Variants in CCDC66 observed in about 807,000 individuals in gnomAD.
CCDC66 encodes coiled-coil domain containing 66.
A neutral mutation model predicts 128.3 loss-of-function variants in CCDC66; 133 were observed. The ratio of observed to expected loss-of-function variants is 1.04; its 90% CI spans 0.90 to 1.20. CCDC66 has a LOEUF of 1.20. Among genes scored for constraint, CCDC66 ranks in the 50% most tolerant of loss-of-function variants. The pLI is 0.00. For synonymous variants in CCDC66, 387 were observed against 357.0 expected (o/e 1.08, Z -0.95); for missense variants, 1,126 against 1,075.5 (o/e 1.05, Z -0.66).
intron 7 of CCDC66, among the ~76,000 whole-genome samples, chr3:56,581,756 G>A (rs1470278389): frequency 1.3e-5 from 2 of 151,808 alleles, no homozygotes; most frequent in African/African-American, 2.4e-5. Flanking sequence ...AAATGTTGCT[G>A]TCTGATCCTT....
Position 56,615,114 on chromosome 3 carries a change from A to T in CCDC66, c.1567-14A>T, listed in dbSNP as rs1051856251. ...GTTTAATAGATGAATTTAGTAACAC[A>T]TCAATATTGACAGGAAATCATGACT... On this transcript the variant is annotated splice_polypyrimidine_tract_variant and intron_variant, in intron 11 of 17. Coordinates refer to ENST00000394672, the MANE Select transcript of CCDC66 (RefSeq NM_001141947.3). 6.2e-7 allele frequency: 1 copy of T among 1,612,076 alleles called. No individual in the cohort carries two copies. Among genetic ancestry groups the T allele is most frequent in the Non-Finnish European group, 8.5e-7 (1 of 1,179,218 alleles).
At chr3:56,600,462 G>A (rs1218829630) in intron 10 of CCDC66, among the ~76,000 whole-genome samples, 1 of 151,932 alleles carries the variant, frequency 6.6e-6, no homozygotes, top group Non-Finnish European at 1.5e-5. Context: ...TATCTTTATA[G>A]TAGAATGATT....
chr3:56,597,774 G>GTTTT (rs1348371526), intron 10 of CCDC66, among the ~76,000 whole-genome samples: 1 of 8,576 alleles, frequency 1.2e-4, no homozygotes, highest in Non-Finnish European at 3.5e-4. Flanking sequence ...GTTTTGTTTT[G>GTTTT]GGGTTTTTTT....
rs66485521 is a variant in CCDC66, at chr3:56,582,849, TTTATTATTATTATTA to T, written c.937-10090_937-10076del. 3.9e-4 allele frequency among the ~76,000 whole-genome samples: 52 copies of T among 134,880 alleles called. 1 individual carries two copies. The highest frequency in any genetic ancestry group is 1.1e-3 in the African/African-American group (41 of 37,282). 88.5% of individuals were successfully genotyped at this position (134,880 alleles called of 152,430 possible). A position where few individuals can be genotyped will look rare whatever the true frequency, so the allele number is the denominator to read the frequency against. ...TCCCTTTTTTGACTTCTCAACTTTC[TTTATTATTATTATTA>T]TTATTATTATTATTATTATTATTAT... On this transcript the variant is annotated intron_variant, in intron 7 of 17. Transcript: ENST00000394672.
chr3:56,570,639 T>C (rs2066501723), intron 6 of CCDC66: 1 of 166,658 alleles, frequency 6.0e-6, no homozygotes, highest in Non-Finnish European at 1.3e-5. Context: ...CCCCAGCTAC[T>C]CAGGAGGCTG....
At chr3:56,584,516 C>A (rs1320627692) in intron 7 of CCDC66, among the ~76,000 whole-genome samples, 1 of 150,086 alleles carries the variant, frequency 6.7e-6, no homozygotes, top group Non-Finnish European at 1.5e-5. Context: ...AGAGGCGCTC[C>A]CCACATCTCA....
At chr3:56,617,786 GTCAAC>G (rs1463158973) in intron 14 of CCDC66, 181 bp downstream of exon 14, 2 of 657,274 alleles carry the variant, frequency 3.0e-6, no homozygotes, top group Non-Finnish European at 5.0e-6. Flanking sequence ...TACGAACATA[GTCAAC>G]TCATTCTTTT....
chr3:56,568,372 A>T (rs1478814021), intron 6 of CCDC66, among the ~76,000 whole-genome samples: 1 of 152,236 alleles, frequency 6.6e-6, no homozygotes, highest in African/African-American at 2.4e-5. Flanking sequence ...ACAGATGCTC[A>T]TGTGGAATCC....
Position 56,615,267 on chromosome 3 carries a change from TTGG to T in CCDC66, c.1711_1711+2del. 1 of 1,610,572 alleles carries T rather than the reference TTGG, an allele frequency of 6.2e-7. No individual in the cohort carries two copies. The highest frequency in any genetic ancestry group is 8.5e-7 in the Non-Finnish European group (1 of 1,178,578). ...GACACTTCTAGACTGATTAAAAATC[TTGG>T]TGGTAAGGGCCTAACCAGAACTTTA... On this transcript the variant is annotated inframe_deletion and splice_region_variant, in exon 12 of 18. Transcript: ENST00000394672.
rs751148390 is a variant in CCDC66, at chr3:56,594,002, C to T, written c.1378C>T (p.Arg460Ter). The T allele has an allele frequency of 9.9e-5, 159 of 1,613,892 alleles. 3 individuals carry two copies. The South Asian group carries it at 1.5e-3, about 15-fold the overall frequency. ...AGCTCAGATTGAGGAACGAGACAGACGACGACAAAAACAATTAGAGCATCA... is the reference window on the plus strand; with the variant it reads ...AGCTCAGATTGAGGAACGAGACAGATGACGACAAAAACAATTAGAGCATCA... The part of the protein sequence containing the change: ...DPAQIEERDR[R>*]RQKQLEHQKA... Residue 460 changes from arginine (R) to a stop codon, truncating the protein, a stop_gained, in exon 10 of 18, where the codon CGA (arginine) becomes TGA (stop). Transcript: ENST00000394672. LOFTEE classifies it high-confidence loss of function.
At chr3:56,586,496 A>C (rs927956744) in intron 7 of CCDC66, among the ~76,000 whole-genome samples, 13 of 151,096 alleles carry the variant, frequency 8.6e-5, no homozygotes, top group African/African-American at 2.7e-4. Context: ...ACACCACTGC[A>C]CTCTGGCCTG....
rs1390974791 is a variant in CCDC66 at position 56,593,121 on chromosome 3, G to A, written c.1068+20G>A. On this transcript the variant is annotated intron_variant, in intron 8 of 17. Transcript: ENST00000394672. ...TCAAAGGTAACTTATGAGGTTTTGT[G>A]GCTATAAAAGAAAAAATAAAATCAA... The A allele has an allele frequency of 2.6e-6, 4 of 1,523,520 alleles. No homozygotes were observed. Among genetic ancestry groups the A allele is most frequent in the Admixed American group, 4.3e-5 (2 of 46,590 alleles). 94.4% of individuals were successfully genotyped at this position (1,523,520 alleles called of 1,614,324 possible). A position where few individuals can be genotyped will look rare whatever the true frequency, so the allele number is the denominator to read the frequency against.
At chr3:56,618,364 A>T in intron 15 of CCDC66, 152 bp downstream of exon 15, 1 of 632,010 alleles carries the variant, frequency 1.6e-6, no homozygotes, top group Non-Finnish European at 2.7e-6. Context: ...TTTAAGGGAT[A>T]GTGTGGCACT....
intron 10 of CCDC66, 56 bp downstream of exon 10, chr3:56,594,084 A>G (rs914872237): frequency 2.1e-6 from 3 of 1,449,786 alleles, no homozygotes; most frequent in Admixed American, 1.7e-5. Flanking sequence ...CATGGTGAAC[A>G]TATACCTAAG....
intron 10 of CCDC66, among the ~76,000 whole-genome samples, chr3:56,611,607 C>G (rs2107308517): frequency 7.1e-6 from 1 of 140,374 alleles, no homozygotes; most frequent in African/African-American, 2.6e-5. Flanking sequence ...GCTTCTCGTC[C>G]TGTTCAAGTT....
intron 17 of CCDC66, chr3:56,621,243 G>C (rs994753394): frequency 8.7e-6 from 2 of 229,858 alleles, no homozygotes; most frequent in Non-Finnish European, 1.7e-5. Context: ...ACTTGGGGGT[G>C]GACTGGGGGA....
intron 10 of CCDC66, among the ~76,000 whole-genome samples, chr3:56,603,668 G>GT (rs1295191375): frequency 4.6e-5 from 7 of 151,416 alleles, no homozygotes; most frequent in African/African-American, 9.7e-5. Flanking sequence ...TTTATATCTA[G>GT]TTTTTTTTGC....
chr3:56,615,393 C>A, intron 12 of CCDC66, 121 bp downstream of exon 12: 5 of 911,044 alleles, frequency 5.5e-6, no homozygotes, highest in Non-Finnish European at 7.9e-6. Flanking sequence ...TGCAGTGGTG[C>A]CATCACAGCT....
intron 8 of CCDC66, 106 bp downstream of exon 8, chr3:56,593,207 A>G (rs2071256074): frequency 1.0e-6 from 1 of 973,004 alleles, no homozygotes; most frequent in Non-Finnish European, 1.5e-6. Context: ...AGAATATTCC[A>G]TTTATTCCAC....
Sources: allele counts gnomAD v4.1 joint callset (sites outside exome capture counted in the v4.1 genomes callset), GRCh38; gene constraint gnomAD v4.1.1; transcripts MANE v1.5; gene names NCBI Gene and HGNC (gene_info 2026-07-23, HGNC 2026-07-21).